DLGAP2: variants seen among roughly 807,000 people sequenced by gnomAD.
The protein encoded by DLGAP2 is disks large-associated protein 2.
A neutral mutation model predicts 100.3 loss-of-function variants in DLGAP2; 26 were observed. The observed-to-expected ratio is 0.26, with a 90% CI of 0.19 to 0.36. DLGAP2 has a LOEUF of 0.36. Among genes scored for constraint, DLGAP2 ranks in the 10% least tolerant of loss-of-function variants. DLGAP2 has a pLI of 1.00. For synonymous variants in DLGAP2, 886 were observed against 630.1 expected (o/e 1.41, Z -6.08); for missense variants, 1,858 against 1,453.2 (o/e 1.28, Z -4.53).
intron 3 of DLGAP2, among the ~76,000 whole-genome samples, chr8:1,360,124 G>C (rs2129651722): frequency 6.6e-6 from 1 of 152,140 alleles, no homozygotes; most frequent in Admixed American, 6.5e-5. Context: ...CGGGTTGCAG[G>C]GACTTGCCTT....
intron 3 of DLGAP2, among the ~76,000 whole-genome samples, chr8:1,409,496 G>C (rs1446883005): frequency 6.6e-6 from 1 of 152,252 alleles, no homozygotes; most frequent in Non-Finnish European, 1.5e-5. Context: ...ACAAGTTCAA[G>C]AAGAGAGCTG....
At chr8:1,506,524 C>T (rs911705529) in intron 4 of DLGAP2, among the ~76,000 whole-genome samples, 5 of 152,128 alleles carry the variant, frequency 3.3e-5, no homozygotes, top group South Asian at 4.1e-4. Flanking sequence ...AAAAGGAGTG[C>T]GGACCCAAAG....
rs537788232 is a variant in DLGAP2, at chr8:1,634,651, A to G, written c.1810+1605A>G. ...AGCGGTCCAAGAGATCATTACTCAT[A>G]CTTTCAGCAGTATTTGTTTACTGTC... On this transcript the variant is annotated intron_variant, in intron 8 of 14. Coordinates refer to ENST00000637795, the MANE Select transcript of DLGAP2 (RefSeq NM_001346810.2). Among the ~76,000 whole-genome samples, 292 of 152,298 alleles carry G rather than the reference A, an allele frequency of 1.9e-3. 1 individual carries two copies. The highest frequency in any genetic ancestry group is 3.8e-3 in the Non-Finnish European group (256 of 68,016).
At chr8:1,137,716 T>A (rs1412310403) in intron 2 of DLGAP2, 1 of 152,172 alleles carries the variant, frequency 6.6e-6, no homozygotes, top group African/African-American at 2.4e-5. Flanking sequence ...TATATAAACT[T>A]CCCTAATCAA....
chr8:1,134,487 A>C (rs10109722), intron 2 of DLGAP2, among the ~76,000 whole-genome samples: 135,541 of 152,136 alleles, frequency 0.89, 60,518 homozygotes, highest in Middle Eastern at 0.92. Context: ...GCCACCTTGT[A>C]AGCATGTGTT....
rs139536425 is a variant in DLGAP2 at position 1,531,966 on chromosome 8, T to C, written c.173-16660T>C. 1.6e-3 allele frequency among the ~76,000 whole-genome samples: 250 copies of C among 152,322 alleles called. 2 individuals carry two copies. Among genetic ancestry groups the C allele is most frequent in the East Asian group, 0.012 (63 of 5,180 alleles). On this transcript the variant is annotated intron_variant, in intron 4 of 14. Transcript: ENST00000637795. The stretch of plus-strand genomic sequence containing the variant: ...GGGCGCAGCTTGGTTTTACACATTT[T>C]AGGGAGACATGAGACATTAATATAC...
chr8:1,511,846 A>C (rs958853435), intron 4 of DLGAP2, among the ~76,000 whole-genome samples: 1 of 152,264 alleles, frequency 6.6e-6, no homozygotes, highest in African/African-American at 2.4e-5. Context: ...TCAGTAGGTC[A>C]CATGAGCAAA....
rs1238255686 is a variant in DLGAP2 at position 1,174,476 on chromosome 8, A to G, written c.74-84375A>G. ...AATCATTATCGTCATCATTACCATT[A>G]CCATCATCATCATCATTACCATCAT... On this transcript the variant is annotated intron_variant, in intron 2 of 14. Coordinates refer to ENST00000637795, the MANE Select transcript of DLGAP2 (RefSeq NM_001346810.2). 2.7e-5 allele frequency among the ~76,000 whole-genome samples: 4 copies of G among 148,480 alleles called. No individual in the cohort carries two copies. The East Asian group carries it at 7.7e-4, about 29-fold the overall frequency.
At chr8:1,693,891 G>A (rs1460488123) in intron 13 of DLGAP2, among the ~76,000 whole-genome samples, 1 of 152,104 alleles carries the variant, frequency 6.6e-6, no homozygotes, top group African/African-American at 2.4e-5. Context: ...CTCCTCCATA[G>A]TATCTATTTG....
chr8:853,387 C>G (rs1009643638), intron 1 of DLGAP2, among the ~76,000 whole-genome samples: 2 of 152,228 alleles, frequency 1.3e-5, no homozygotes, highest in Non-Finnish European at 2.9e-5. Context: ...ACACGGTGCC[C>G]AGGGTTGTGC....
At chr8:1,303,509 G>A (rs546781025) in intron 3 of DLGAP2, among the ~76,000 whole-genome samples, 13 of 152,020 alleles carry the variant, frequency 8.6e-5, no homozygotes, top group Middle Eastern at 6.9e-3. Context: ...TCTCAGCTTC[G>A]CAGACCCTGC....
At chr8:801,460 A>G (rs1372765814) in intron 1 of DLGAP2, among the ~76,000 whole-genome samples, 5 of 152,220 alleles carry the variant, frequency 3.3e-5, no homozygotes, top group East Asian at 3.9e-4. Context: ...CCTCATTAGG[A>G]TGGAGCATAC....
intron 2 of DLGAP2, chr8:1,032,593 G>A (rs937161574): frequency 6.6e-6 from 1 of 152,188 alleles, no homozygotes; most frequent in African/African-American, 2.4e-5. Flanking sequence ...TAGGTCTGCT[G>A]TGTGCCAAAA....
chr8:1,457,329 C>T (rs964672781), intron 3 of DLGAP2, among the ~76,000 whole-genome samples: 7 of 152,186 alleles, frequency 4.6e-5, no homozygotes, highest in African/African-American at 1.4e-4. Context: ...AGAAAACAAA[C>T]GTCTCCACTA....
At chr8:876,100 T>C (rs1011422819) in intron 1 of DLGAP2, among the ~76,000 whole-genome samples, 2 of 152,206 alleles carry the variant, frequency 1.3e-5, no homozygotes, top group African/African-American at 4.8e-5. Flanking sequence ...TATATTTTTA[T>C]GTTTGATAGG....
chr8:1,370,256 G>A (rs1299422471), intron 3 of DLGAP2, among the ~76,000 whole-genome samples: 2 of 152,150 alleles, frequency 1.3e-5, no homozygotes, highest in South Asian at 2.1e-4. Flanking sequence ...GTCCCACGGT[G>A]CCTGGCTCTG....
At chr8:1,515,089 C>T (rs1372641827) in intron 4 of DLGAP2, among the ~76,000 whole-genome samples, 1 of 152,046 alleles carries the variant, frequency 6.6e-6, no homozygotes, top group Admixed American at 6.5e-5. Flanking sequence ...GCAGAAAACG[C>T]ATGTTTGGCC....
At chr8:1,011,050 T>A (rs1215445034) in intron 2 of DLGAP2, among the ~76,000 whole-genome samples, 1 of 144,098 alleles carries the variant, frequency 6.9e-6, no homozygotes, top group East Asian at 2.2e-4. Context: ...TGCATGGTGA[T>A]TCTGGGCAAG....
At chr8:1,062,093 C>G (rs533705265) in intron 2 of DLGAP2, among the ~76,000 whole-genome samples, 1 of 151,628 alleles carries the variant, frequency 6.6e-6, no homozygotes, top group South Asian at 2.1e-4. Flanking sequence ...TAATTGATAT[C>G]CTGGAGGAGA....
Sources: gnomAD v4.1 joint callset for allele counts (sites outside exome capture counted in the v4.1 genomes callset) on GRCh38, gnomAD v4.1.1 for gene constraint, MANE v1.5 for transcripts, NCBI Gene and HGNC (gene_info 2026-07-23, HGNC 2026-07-21) for gene names.